The following HOOK2 variants were observed in gnomAD, a reference collection of about 807,000 sequenced individuals.
The protein encoded by HOOK2 is hook microtubule tethering protein 2, also known as protein Hook homolog 2.
In HOOK2, 108 loss-of-function variants were observed where a neutral mutation model predicts 111.9. That is an observed-to-expected ratio of 0.96 (90% CI 0.83 to 1.13). The LOEUF is 1.13. Among genes scored for constraint, HOOK2 ranks in the 50% most tolerant of loss-of-function variants. The pLI is 0.00. For missense variants in HOOK2, 978 were observed against 951.3 expected (o/e 1.03, Z -0.37); for synonymous variants, 405 against 394.3 (o/e 1.03, Z -0.32).
chr19:12,772,315 A>G, intron 6 of HOOK2, 63 bp from the exon 7 acceptor site: 5 of 1,538,892 alleles, frequency 3.2e-6, no homozygotes, highest in Non-Finnish European at 3.6e-6. Context: ...CAAAGTATCT[A>G]CTATCCAACC....
At chr19:12,773,564 T>A (rs949312671) in intron 3 of HOOK2, among the ~76,000 whole-genome samples, 7 of 151,994 alleles carry the variant, frequency 4.6e-5, no homozygotes, top group African/African-American at 1.7e-4. Flanking sequence ...CCATCTTCCT[T>A]CATATGTCTC....
intron 3 of HOOK2, among the ~76,000 whole-genome samples, chr19:12,773,510 T>C (rs951988751): frequency 6.6e-6 from 1 of 151,946 alleles, no homozygotes; most frequent in Non-Finnish European, 1.5e-5. Flanking sequence ...GCCTCTAAAA[T>C]TGCTGGGATT....
chr19:12,769,668 A>G (rs1375606529), intron 11 of HOOK2, among the ~76,000 whole-genome samples: 1 of 152,246 alleles, frequency 6.6e-6, no homozygotes, highest in African/African-American at 2.4e-5. Context: ...AGCGGCGGGC[A>G]TCAAAGAATT....
At chr19:12,782,459 G>A (rs1008290881), upstream of HOOK2, among the ~76,000 whole-genome samples, 4 of 152,256 alleles carry the variant, frequency 2.6e-5, no homozygotes, top group East Asian at 1.9e-4. Flanking sequence ...CAGGCTGCGC[G>A]GACGCAGTGA....
At position 12,771,284 on chromosome 19, in the gene HOOK2, C is replaced by T. The variant is rs750997694; in HGVS notation, c.636G>A (p.Ala212=). ...GCTCCCGCAGCCCTGCATTCTCTTG[C>T]GCCAGGCTCTGCTTCTCCTCTGACA... is the stretch of plus-strand genomic sequence containing the variant. ...MLLSEEKQSL[A]QENAGLRERM... The change falls in exon 9 of 23, where the codon GCG becomes GCA. Residue 212 remains alanine, a synonymous_variant. Transcript: ENST00000397668. The T allele has an allele frequency of 1.0e-5, 16 of 1,603,772 alleles. No individual in the cohort carries two copies. The South Asian group carries it at 1.2e-4, about 12-fold the overall frequency.
chr19:12,782,921 C>T (rs1968621352), upstream of HOOK2, among the ~76,000 whole-genome samples: 2 of 152,134 alleles, frequency 1.3e-5, no homozygotes, highest in South Asian at 4.2e-4. Flanking sequence ...CAGAGCTTCC[C>T]GCGTAGCCAG....
In HOOK2 at chr19:12,771,458, A is replaced by C; in HGVS notation, c.539T>G (p.Leu180Arg). ...FDSQSRRYYF[L>R]SEEAEEGDEL... is the part of the protein sequence containing the mutation. ...GTCCCCCTCCTCAGCCTCCTCACTT[A>C]GGAAATAGTACCTGCGGGACTGCAG... is the stretch of plus-strand genomic sequence containing the variant. Residue 180 changes from leucine to arginine, a missense_variant, in exon 8 of 23, where the codon CTA becomes CGA. By Grantham distance (102) the Leu-to-Arg change is moderately radical. Coordinates refer to ENST00000397668, the MANE Select transcript of HOOK2 (RefSeq NM_013312.3). The C allele has an allele frequency of 6.2e-7, 1 of 1,613,052 alleles. No homozygotes were observed. Among genetic ancestry groups the C allele is most frequent in the Non-Finnish European group, 8.5e-7 (1 of 1,179,616 alleles).
rs1968722821 is a variant in HOOK2 at position 12,791,967 on chromosome 19, G to A, written n.42-17742C>T. ...ACCCGGCCCAGAGGGCGGCGGTGGC[G>A]GCAGCTACTTTTCTGGTCAGGGCTC... On this transcript the variant is annotated intron_variant and non_coding_transcript_variant, in intron 3 of 3. Transcript: ENST00000589765. The surrounding 1 kb of genome is among the most constrained non-coding windows in gnomAD (Gnocchi z 7.0). The A allele has an allele frequency of 1.9e-6, 3 of 1,611,158 alleles. No individual in the cohort carries two copies. The highest frequency in any genetic ancestry group is 2.5e-6 in the Non-Finnish European group (3 of 1,179,394).
upstream of HOOK2, among the ~76,000 whole-genome samples, chr19:12,782,810 G>A (rs1043640203): frequency 6.6e-6 from 1 of 152,142 alleles, no homozygotes; most frequent in African/African-American, 2.4e-5. Context: ...CCTCGACCGA[G>A]CGCCCGGGGG....
chr19:12,775,289 G>C, intron 1 of HOOK2, 116 bp downstream of exon 1: 4 of 1,491,180 alleles, frequency 2.7e-6, no homozygotes, highest in Non-Finnish European at 3.6e-6. Flanking sequence ...GGTCCAGCAA[G>C]TCGACGACCC....
At position 12,771,490 on chromosome 19, in the gene HOOK2, G is replaced by A. The variant is rs762330057; in HGVS notation, c.520-13C>T. The A allele has an allele frequency of 9.3e-6, 15 of 1,604,506 alleles. No homozygotes were observed. The South Asian group carries it at 1.6e-4, about 17-fold the overall frequency. ...AGTACCTGCGGGACTGCAGAGATGA[G>A]GGGGAAGAGGAACTCAGGGATTCAG... On this transcript the variant is annotated splice_polypyrimidine_tract_variant and intron_variant, in intron 7 of 22. Transcript: ENST00000397668.
intron 1 of HOOK2, 84 bp from the exon 2 acceptor site, chr19:12,774,981 C>T (rs1968452543): frequency 1.3e-5 from 17 of 1,345,006 alleles, no homozygotes; most frequent in Non-Finnish European, 1.5e-5. Flanking sequence ...TTCCAGTCAG[C>T]GAACCTCACA....
At position 12,786,682 on chromosome 19, in the gene HOOK2, T is replaced by G. The variant is rs1968660543; in HGVS notation, n.42-12457A>C. Among the ~76,000 whole-genome samples the G allele has an allele frequency of 6.6e-6, 1 of 151,946 alleles. No individual in the cohort carries two copies. ...GGGGGTGGTGCCCAGGCCACAAGGG[T>G]GACACTGGCAGAGGCCTGGAACCGG... On this transcript the variant is annotated intron_variant and non_coding_transcript_variant, in intron 3 of 3. Transcript: ENST00000589765. This position sits in a 1 kb window ranked among gnomAD's most constrained non-coding sequence, Gnocchi z 4.3.
chr19:12,764,827 T>TC lies in HOOK2; in HGVS notation c.1813dup (p.Asp605GlyfsTer46). ...CAGCGTCCTCACCATGCGGGCCTTG[T>TC]CCACGTAGCGGCGGTATCGCTCCTC... On this transcript the variant is annotated frameshift_variant, in exon 20 of 23. Transcript: ENST00000397668. LOFTEE classifies it high-confidence loss of function. The TC allele has an allele frequency of 6.2e-7, 1 of 1,613,790 alleles. No individual in the cohort carries two copies. Among genetic ancestry groups the TC allele is most frequent in the Non-Finnish European group, 8.5e-7 (1 of 1,179,946 alleles).
At chr19:12,769,294 GT>G (rs1968245671) in intron 11 of HOOK2, among the ~76,000 whole-genome samples, 1 of 151,860 alleles carries the variant, frequency 6.6e-6, no homozygotes, top group East Asian at 1.9e-4. Flanking sequence ...TAGAGACAGG[GT>G]TTTGCTATGT....
chr19:12,782,414 G>C (rs1968611421), upstream of HOOK2, among the ~76,000 whole-genome samples: 1 of 152,220 alleles, frequency 6.6e-6, no homozygotes, highest in African/African-American at 2.4e-5. Flanking sequence ...TGTGTGTAGG[G>C]GGCGGGAAGT....
chr19:12,775,035 C>G, intron 1 of HOOK2, 138 bp from the exon 2 acceptor site: 1 of 1,102,542 alleles, frequency 9.1e-7, no homozygotes, highest in Admixed American at 2.2e-5. Flanking sequence ...CTGCGAGGGA[C>G]TGGCTTCTGC....
chr19:12,790,006 G>C lies in HOOK2; in HGVS notation n.42-15781C>G, dbSNP rs373483077. Reference sequence around the variant, plus strand: ...CCGGCCCGCGCTCAGTCCTGCCCGCGGACTCCCGCCTGTTGCCATGGCGAC... The same window carrying C: ...CCGGCCCGCGCTCAGTCCTGCCCGCCGACTCCCGCCTGTTGCCATGGCGAC... On this transcript the variant is annotated intron_variant and non_coding_transcript_variant, in intron 3 of 3. Transcript: ENST00000589765. The surrounding 1 kb of genome is among the most constrained non-coding windows in gnomAD (Gnocchi z 7.2). Among the ~76,000 whole-genome samples the C allele has an allele frequency of 2.2e-4, 33 of 152,286 alleles. No homozygotes were observed. The East Asian group carries it at 5.6e-3, about 26-fold the overall frequency.
At chr19:12,765,656 C>A (rs1968124075) in intron 18 of HOOK2, 34 bp downstream of exon 18, 2 of 1,613,282 alleles carry the variant, frequency 1.2e-6, no homozygotes, top group Non-Finnish European at 1.7e-6. Context: ...CAAATCCATG[C>A]CCCCACGAGG....
Sources: allele counts gnomAD v4.1 joint callset (sites outside exome capture counted in the v4.1 genomes callset), GRCh38; gene constraint gnomAD v4.1.1; non-coding constraint Gnocchi (gnomAD v3.1); transcripts MANE v1.5; gene names NCBI Gene and HGNC (gene_info 2026-07-23, HGNC 2026-07-21).